The following TRIM31 variants were observed in gnomAD, a reference collection of about 807,000 sequenced individuals.
TRIM31 encodes tripartite motif containing 31.
TRIM31 carries 31 observed loss-of-function variants against 40.6 expected under a neutral mutation model. That is an observed-to-expected ratio of 0.76 (90% CI 0.57 to 1.03). TRIM31 has a LOEUF of 1.03. Ranked by LOEUF, TRIM31 falls within the 50% of genes least tolerant of loss-of-function variation. TRIM31 has a pLI of 0.00. For missense variants in TRIM31, 455 were observed against 497.5 expected, an observed-to-expected ratio of 0.91 and a Z score of 0.81; for synonymous variants, 164 against 193.9, an observed-to-expected ratio of 0.85 and a Z score of 1.28.
chr6:30,103,464 CCA>C lies in TRIM31; in HGVS notation c.*70_*71del. On this transcript the variant is annotated 3_prime_UTR_variant, in exon 9 of 9. Transcript: ENST00000376734. ...AGTCAAGAACCGTGGTCGGTCTCAGCCACTCACTCAGCGCCACTCTATGCTCC... is the reference window on the plus strand; with the variant it reads ...AGTCAAGAACCGTGGTCGGTCTCAGCCTCACTCAGCGCCACTCTATGCTCC... 2.5e-6 allele frequency: 4 copies of C among 1,593,138 alleles called. No homozygotes were observed. The South Asian group carries it at 4.5e-5, about 18-fold the overall frequency.
Position 30,105,204 on chromosome 6 carries a change from ATC to A in TRIM31, c.920_921del (p.Arg307IlefsTer7). On this transcript the variant is annotated frameshift_variant, in exon 7 of 9. Transcript: ENST00000376734. LOFTEE classifies it high-confidence loss of function. ...LQADRKKDENRFFKSMNKNDM... is the reference protein window; with the variant it reads ...LQADRKKDENXFFKSMNKNDM... ...TCATTTTTATTCATGCTTTTGAAGA[ATC>A]TGTTTTCATCTTTTTTCCTATCAGC... 1 of 1,612,854 alleles carries A rather than the reference ATC, an allele frequency of 6.2e-7. No homozygotes were observed. Among genetic ancestry groups the A allele is most frequent in the Non-Finnish European group, 8.5e-7 (1 of 1,179,940 alleles).
chr6:30,111,495 G>C lies in TRIM31; in HGVS notation c.513+153C>G, dbSNP rs914309994. 8.5e-6 allele frequency: 6 copies of C among 702,326 alleles called. No individual in the cohort carries two copies. In the African/African-American group the frequency reaches 1.1e-4, roughly 12 times the overall value. 43.5% of individuals were successfully genotyped at this position (702,326 alleles called of 1,614,324 possible). A position where few individuals can be genotyped will look rare whatever the true frequency, so the allele number is the denominator to read the frequency against. ...CTGTAATAGCGAGGCCGACGCGGGA[G>C]GTGATGCCGCCTGGCCGGTCAGGTG... On this transcript the variant is annotated intron_variant, in intron 3 of 8. Coordinates refer to ENST00000376734, the MANE Select transcript of TRIM31 (RefSeq NM_007028.5).
At chr6:30,107,014 C>A (rs12530114) in intron 6 of TRIM31, among the ~76,000 whole-genome samples, 1 of 151,920 alleles carries the variant, frequency 6.6e-6, no homozygotes, top group Non-Finnish European at 1.5e-5. Context: ...GCAGGAGAAT[C>A]GCTTGAAACC....
chr6:30,108,511 A>T (rs1241452423), intron 5 of TRIM31, among the ~76,000 whole-genome samples: 2 of 144,222 alleles, frequency 1.4e-5, no homozygotes, highest in African/African-American at 2.6e-5. Context: ...GTGAGCTGAG[A>T]TTGCACCACT....
At chr6:30,106,608 G>A (rs2127383804) in intron 6 of TRIM31, among the ~76,000 whole-genome samples, 1 of 150,008 alleles carries the variant, frequency 6.7e-6, no homozygotes, top group East Asian at 2.0e-4. Context: ...AAAAAAAAAA[G>A]AAGGAAATAG....
At chr6:30,109,073 A>T (rs752185883) in intron 4 of TRIM31, 25 bp from the exon 5 acceptor site, 2 of 1,612,896 alleles carry the variant, frequency 1.2e-6, no homozygotes, top group Non-Finnish European at 1.7e-6. Context: ...GAAACAGCAC[A>T]GCCTCAGCAC....
intron 6 of TRIM31, 46 bp downstream of exon 6, chr6:30,108,007 A>G: frequency 8.0e-7 from 1 of 1,257,466 alleles, no homozygotes; most frequent in Non-Finnish European, 1.2e-6. Context: ...CAGGGAGAGA[A>G]TCTCCTGGAA....
At position 30,103,702 on chromosome 6, in the gene TRIM31, G is replaced by A. The variant is rs1474329768; in HGVS notation, c.1112C>T (p.Thr371Ile). 6.2e-7 allele frequency: 1 copy of A among 1,612,962 alleles called. No individual in the cohort carries two copies. Among genetic ancestry groups the A allele is most frequent in the African/African-American group, 1.3e-5 (1 of 74,924 alleles). The change falls in exon 9 of 9, where the codon ACT (threonine) becomes ATT (isoleucine). Residue 371 changes from threonine to isoleucine, a missense_variant. Physicochemically the swap from Thr to Ile is moderately conservative, Grantham distance 89. Coordinates refer to ENST00000376734, the MANE Select transcript of TRIM31 (RefSeq NM_007028.5). Reference sequence around the variant, plus strand: ...AGAGGCCAGGAGACATACTGGAAAAGTGACTTTCCCAGCAGACGAGGCCCG... The same window carrying A: ...AGAGGCCAGGAGACATACTGGAAAAATGACTTTCCCAGCAGACGAGGCCCG... ...LFRASSAGKVTFPVCLLASYD... is the reference protein window; with the variant it reads ...LFRASSAGKVIFPVCLLASYD...
intron 7 of TRIM31, among the ~76,000 whole-genome samples, chr6:30,104,523 T>C (rs1175038845): frequency 6.6e-6 from 1 of 152,206 alleles, no homozygotes; most frequent in Non-Finnish European, 1.5e-5. Flanking sequence ...ATGCATTCTG[T>C]AGTTTCTGGC....
At chr6:30,105,286 G>C in intron 6 of TRIM31, 44 bp from the exon 7 acceptor site, 1 of 1,502,674 alleles carries the variant, frequency 6.7e-7, no homozygotes, top group African/African-American at 1.4e-5. Flanking sequence ...GTCCAGAGGG[G>C]TTGAGCAAAG....
At position 30,103,530 on chromosome 6, in the gene TRIM31, G is replaced by A. The variant is rs17187896; in HGVS notation, c.*6C>T. The stretch of plus-strand genomic sequence containing the variant: ...CACCACCGCTCCCCGTGTTCTCTGA[G>A]CTGGCTTAGCTTGAAGGAACCTCAC... On this transcript the variant is annotated 3_prime_UTR_variant, in exon 9 of 9. Coordinates refer to ENST00000376734, the MANE Select transcript of TRIM31 (RefSeq NM_007028.5). 22,997 of 1,612,476 alleles carry A rather than the reference G, an allele frequency of 0.014. 344 individuals are homozygous for A. The highest frequency in any genetic ancestry group is 0.071 in the African/African-American group (5,318 of 74,978).
At chr6:30,112,302 A>C in intron 2 of TRIM31, 87 bp downstream of exon 2, 1 of 1,496,610 alleles carries the variant, frequency 6.7e-7, no homozygotes. Flanking sequence ...ATGGGGTGCA[A>C]ACCCTCAGTG....
In TRIM31 at chr6:30,110,478, C is replaced by T. The variant is rs1364345280; in HGVS notation, c.714G>A (p.Lys238=). The T allele has an allele frequency of 6.2e-7, 1 of 1,614,184 alleles. No individual in the cohort carries two copies. The highest frequency in any genetic ancestry group is 8.5e-7 in the Non-Finnish European group (1 of 1,180,038). ...LKKLVDSLKT[K]QNMPPRQLLE... is the part of the protein sequence containing the mutation. ...GCAGCTGCCTGGGTGGCATGTTCTG[C>T]TTGGTCTTCAGGGAATCAACGAGCT... The change falls in exon 4 of 9, where the codon AAG becomes AAA. Residue 238 remains lysine, a synonymous_variant. Transcript: ENST00000376734.
chr6:30,111,702 C>T lies in TRIM31; in HGVS notation c.459G>A (p.Glu153=). 1.2e-6 allele frequency: 2 copies of T among 1,614,234 alleles called. No homozygotes were observed. Among genetic ancestry groups the T allele is most frequent in the Non-Finnish European group, 1.7e-6 (2 of 1,180,034 alleles). The part of the protein sequence containing the change: ...QEQIQVLQQK[E]KETVQVKAQG... ...GTGCCTTCACTTGTACTGTCTCCTT[C>T]TCCTTTTGCTGCAAGACTTGGATCT... Residue 153 remains glutamate (E), a synonymous_variant, in exon 3 of 9, where the codon GAG becomes GAA. Transcript: ENST00000376734.
rs889290987 is a variant in TRIM31 at position 30,111,533 on chromosome 6, G to A, written c.513+115C>T. ...GGCCGGTCAGGTGCTGAGGCGCCGA[G>A]GAGAGGACATGGCTCACTGGATCTT... On this transcript the variant is annotated intron_variant, in intron 3 of 8. Transcript: ENST00000376734. 5.6e-6 allele frequency: 6 copies of A among 1,065,124 alleles called. No homozygotes were observed. In the African/African-American group the frequency reaches 9.5e-5, roughly 17 times the overall value. The allele number at this position is 1,065,124 out of a possible 1,614,324, so 66.0% of individuals were successfully genotyped here.
chr6:30,107,390 G>A (rs922860570), intron 6 of TRIM31, among the ~76,000 whole-genome samples: 1 of 152,066 alleles, frequency 6.6e-6, no homozygotes, highest in Admixed American at 6.5e-5. Context: ...GGAGGTGGGT[G>A]TGGAACTCCA....
At position 30,108,154 on chromosome 6, in the gene TRIM31, T is replaced by C; in HGVS notation, c.782A>G (p.Gln261Arg). The change falls in exon 6 of 9, where the codon CAG becomes CGG. Residue 261 changes from glutamine (Q) to arginine (R), a missense_variant. By Grantham distance (43) the Gln-to-Arg change is conservative (BLOSUM62 1). Transcript: ENST00000376734. ...KVVLCRSEEF[Q>R]FLNPTPVPLE... is the part of the protein sequence containing the mutation. ...AGGAACAGGGGTTGGGTTGAGAAAC[T>C]GAAACTCTTCACTTCTAGGAAGATG... 6.2e-7 allele frequency: 1 copy of C among 1,608,850 alleles called. No individual in the cohort carries two copies. The highest frequency in any genetic ancestry group is 8.5e-7 in the Non-Finnish European group (1 of 1,177,316).
intron 5 of TRIM31, 106 bp from the exon 6 acceptor site, chr6:30,108,274 T>G: frequency 1.2e-6 from 1 of 802,442 alleles, no homozygotes; most frequent in Non-Finnish European, 2.1e-6. Context: ...GACCTGGGGG[T>G]AGAACTGAGA....
intron 4 of TRIM31, among the ~76,000 whole-genome samples, chr6:30,110,027 T>TAAAAAAAAAAAA (rs9280894): frequency 2.5e-5 from 3 of 118,220 alleles, no homozygotes; most frequent in East Asian, 2.4e-4. Flanking sequence ...AGACTCAGTG[T>TAAAAAAAAAAAA]AAAAAAAAAA....
Sources: allele counts gnomAD v4.1 joint callset (sites outside exome capture counted in the v4.1 genomes callset), GRCh38; gene constraint gnomAD v4.1.1; transcripts MANE v1.5; gene names NCBI Gene and HGNC (gene_info 2026-07-23, HGNC 2026-07-21).